Variants in TMEM132D observed in about 807,000 individuals in gnomAD.
TMEM132D encodes mature OL transmembrane protein.
In TMEM132D, 21 loss-of-function variants were observed where a neutral mutation model predicts 62.3. That is an observed-to-expected ratio of 0.34 (90% CI 0.24 to 0.49). TMEM132D has a LOEUF of 0.49. Ranked by LOEUF, TMEM132D falls within the 20% of genes least tolerant of loss-of-function variation. The probability of loss-of-function intolerance (pLI) is 0.99; values close to 1 mark genes in which losing one functional copy is unlikely to be tolerated. For synonymous variants in TMEM132D, 621 were observed against 575.6 expected, an observed-to-expected ratio of 1.08 and a Z score of -1.13; for missense variants, 1,346 against 1,402.8, an observed-to-expected ratio of 0.96 and a Z score of 0.65.
intron 1 of TMEM132D, among the ~76,000 whole-genome samples, chr12:129,860,719 A>G (rs890680183): frequency 1.3e-5 from 2 of 152,222 alleles, no homozygotes; most frequent in Non-Finnish European, 2.9e-5. Context: ...TAATTGACTC[A>G]CAGTTCTGCA....
At chr12:129,445,203 T>C (rs1321259692) in intron 3 of TMEM132D, among the ~76,000 whole-genome samples, 1 of 152,164 alleles carries the variant, frequency 6.6e-6, no homozygotes, top group African/African-American at 2.4e-5. Context: ...AGCAAACTAA[T>C]GCAGAAACAG....
intron 5 of TMEM132D, among the ~76,000 whole-genome samples, chr12:129,096,100 T>C (rs558416932): frequency 1.3e-5 from 2 of 152,262 alleles, no homozygotes; most frequent in African/African-American, 4.8e-5. Context: ...TTCCCAGGTA[T>C]GCACATGCAG....
rs774737688 is a variant in TMEM132D, at chr12:129,700,585, C to T, written c.193G>A (p.Ala65Thr). The T allele has an allele frequency of 1.2e-6, 2 of 1,613,984 alleles. No individual in the cohort carries two copies. Among genetic ancestry groups the T allele is most frequent in the African/African-American group, 1.3e-5 (1 of 74,982 alleles). Residue 65 changes from alanine (A) to threonine (T), a missense_variant, in exon 2 of 9, where the codon GCC becomes ACC. Coordinates refer to ENST00000422113, the MANE Select transcript of TMEM132D (RefSeq NM_133448.3). ...GAGTTCCTCATGATATCCTGGTTGG[C>T]CTCCTTCAGGAAGAAGGAGACGTCC... Reference protein sequence around the residue: ...NADVSFFLKEANQDIMRNSSL... With the variant: ...NADVSFFLKETNQDIMRNSSL...
rs1201801761 is a variant in TMEM132D, at chr12:129,779,184, T to C, written c.80-78486A>G. 1.3e-5 allele frequency among the ~76,000 whole-genome samples: 2 copies of C among 152,188 alleles called. No homozygotes were observed. Among genetic ancestry groups the C allele is most frequent in the Non-Finnish European group, 2.9e-5 (2 of 68,040 alleles). On this transcript the variant is annotated intron_variant, in intron 1 of 8. Coordinates refer to ENST00000422113, the MANE Select transcript of TMEM132D (RefSeq NM_133448.3). The surrounding 1 kb of genome is among the most constrained non-coding windows in gnomAD (Gnocchi z 4.1). ...GATACAAGGCCTTAGGAAGGATCCATCTGGAAAGCCCCATTTGATGCTTTA... is the reference window on the plus strand; with the variant it reads ...GATACAAGGCCTTAGGAAGGATCCACCTGGAAAGCCCCATTTGATGCTTTA...
chr12:129,476,727 G>C (rs1874270862), intron 3 of TMEM132D, among the ~76,000 whole-genome samples: 1 of 152,188 alleles, frequency 6.6e-6, no homozygotes, highest in Non-Finnish European at 1.5e-5. Flanking sequence ...GTGCATTGTA[G>C]GATGCTCAGA....
chr12:129,081,686 T>C lies in TMEM132D; in HGVS notation c.1923+73A>G, dbSNP rs1027510311. ...ATTCCCAGCAATGACAAACAGCTGG[T>C]TTCTCCTCTAGGTAGAGCAGAGGTG... is the stretch of plus-strand genomic sequence containing the variant. On this transcript the variant is annotated intron_variant, in intron 7 of 8. Transcript: ENST00000422113. 12 of 1,497,006 alleles carry C rather than the reference T, an allele frequency of 8.0e-6. No individual in the cohort carries two copies. The African/African-American group carries it at 1.3e-4, about 16-fold the overall frequency. 92.7% of individuals were successfully genotyped at this position (1,497,006 alleles called of 1,614,324 possible).
intron 2 of TMEM132D, among the ~76,000 whole-genome samples, chr12:129,689,603 C>G (rs1434862722): frequency 6.6e-6 from 1 of 152,206 alleles, no homozygotes; most frequent in Non-Finnish European, 1.5e-5. Flanking sequence ...CTATTTCTTG[C>G]ACCTTTGATT....
chr12:129,140,867 C>G, intron 5 of TMEM132D, among the ~76,000 whole-genome samples: 1 of 151,368 alleles, frequency 6.6e-6, no homozygotes, highest in East Asian at 1.9e-4. Context: ...TTCTGTGATT[C>G]ACCCATATTG....
At chr12:129,276,197 T>C (rs940640844) in intron 4 of TMEM132D, among the ~76,000 whole-genome samples, 1 of 152,194 alleles carries the variant, frequency 6.6e-6, no homozygotes, top group African/African-American at 2.4e-5. Context: ...AAATGATACT[T>C]ATGTAATTCA....
At chr12:129,682,727 C>T (rs1007496590) in intron 2 of TMEM132D, among the ~76,000 whole-genome samples, 5 of 151,608 alleles carry the variant, frequency 3.3e-5, no homozygotes, top group Non-Finnish European at 7.4e-5. Context: ...GGCGTGGTGG[C>T]GGGTGCCTGT....
At chr12:129,853,012 A>T (rs1873595583) in intron 1 of TMEM132D, 1 of 152,198 alleles carries the variant, frequency 6.6e-6, no homozygotes, top group African/African-American at 2.4e-5. Context: ...ACGAAACTCC[A>T]GTGTAACATG....
At chr12:129,539,405 C>CTTTTTTTT (rs33913406) in intron 2 of TMEM132D, among the ~76,000 whole-genome samples, 1 of 117,020 alleles carries the variant, frequency 8.5e-6, no homozygotes, top group Non-Finnish European at 1.7e-5. Flanking sequence ...CTAATTTTTT[C>CTTTTTTTT]TTTTTTTTTT....
At position 129,266,489 on chromosome 12, in the gene TMEM132D, CCT is replaced by C. The variant is rs528495464; in HGVS notation, c.1300-56828_1300-56827del. On this transcript the variant is annotated intron_variant, in intron 4 of 8. Coordinates refer to ENST00000422113, the MANE Select transcript of TMEM132D (RefSeq NM_133448.3). The stretch of plus-strand genomic sequence containing the variant: ...CCCCTCCTCTTCGCTCCTTCTCTCC[CCT>C]CTTTTTTCCTTTCCCTTTCTCTTAT... Among the ~76,000 whole-genome samples, 33 of 151,322 alleles carry C rather than the reference CCT, an allele frequency of 2.2e-4. No homozygotes were observed. The East Asian group carries it at 2.9e-3, about 13-fold the overall frequency.
At chr12:129,319,013 G>T (rs1868583308) in intron 4 of TMEM132D, among the ~76,000 whole-genome samples, 1 of 152,154 alleles carries the variant, frequency 6.6e-6, no homozygotes, top group South Asian at 2.1e-4. Context: ...GGGTGAGATG[G>T]CTTGAAAACT....
chr12:129,161,859 G>A (rs1016136177), intron 5 of TMEM132D, among the ~76,000 whole-genome samples: 5 of 152,176 alleles, frequency 3.3e-5, no homozygotes, highest in Admixed American at 2.6e-4. Flanking sequence ...CCACTTTGTT[G>A]CTGGGGAGGA....
rs576353856 is a variant in TMEM132D at position 129,196,874 on chromosome 12, CT to C, written c.1443+12645del. 1.3e-4 allele frequency among the ~76,000 whole-genome samples: 20 copies of C among 152,208 alleles called. No individual in the cohort carries two copies. In the South Asian group the frequency reaches 3.7e-3, roughly 28 times the overall value. ...AAGGATTGTAGGGAGAGATTAATGC[CT>C]AATCCAATGGCATGAAGTCTTGTTG... On this transcript the variant is annotated intron_variant, in intron 5 of 8. Transcript: ENST00000422113.
intron 5 of TMEM132D, among the ~76,000 whole-genome samples, chr12:129,114,503 A>G (rs1299445118): frequency 1.3e-5 from 2 of 151,758 alleles, no homozygotes. Context: ...ACTGTAAAAA[A>G]ACTTTTAATT....
intron 2 of TMEM132D, among the ~76,000 whole-genome samples, chr12:129,561,456 CAG>C (rs1410184790): frequency 6.6e-6 from 1 of 152,186 alleles, no homozygotes; most frequent in Admixed American, 6.5e-5. Flanking sequence ...GCAGAGGGCT[CAG>C]AGTTTCTTCA....
intron 5 of TMEM132D, among the ~76,000 whole-genome samples, chr12:129,195,641 A>G (rs1315343888): frequency 6.6e-6 from 1 of 152,230 alleles, no homozygotes; most frequent in African/African-American, 2.4e-5. Flanking sequence ...CCTGAAATTA[A>G]GAACATAGCT....
Sources: allele counts gnomAD v4.1 joint callset (sites outside exome capture counted in the v4.1 genomes callset), GRCh38; gene constraint gnomAD v4.1.1; non-coding constraint Gnocchi (gnomAD v3.1); transcripts MANE v1.5; gene names NCBI Gene and HGNC (gene_info 2026-07-23, HGNC 2026-07-21).